GRAP: variants seen among roughly 807,000 people sequenced by gnomAD.
GRAP encodes the protein GRB2-related adapter protein.
GRAP carries 2 observed loss-of-function variants against 9.1 expected under a neutral mutation model. The observed-to-expected ratio is 0.22, with a 90% CI of 0.09 to 0.69. The LOEUF (loss-of-function observed/expected upper bound fraction) is 0.69, where lower values mean the gene tolerates loss of function less well. Ranked by LOEUF, GRAP falls within the 30% of genes least tolerant of loss-of-function variation. The probability of loss-of-function intolerance (pLI) is 0.81; values close to 1 mark genes in which losing one functional copy is unlikely to be tolerated. For missense variants in GRAP, 113 were observed against 179.4 expected (o/e 0.63, Z 2.12); for synonymous variants, 68 against 73.6 (o/e 0.92, Z 0.39).
intron 4 of GRAP, chr17:19,022,415 A>ACCT (rs1221396740): frequency 1.1e-5 from 4 of 370,900 alleles, no homozygotes; most frequent in Non-Finnish European, 1.4e-5. Context: ...GGGTCAGGGG[A>ACCT]CCTGAGTCCT....
Position 19,024,008 on chromosome 17 carries a change from C to A in GRAP, c.468+207G>T, listed in dbSNP as rs539619033. ...TCCTTCTGTCCTTTGCTTTTCTTTC[C>A]CTCTTCTCCTTTCCCACCCTTGCAA... is the stretch of plus-strand genomic sequence containing the variant. On this transcript the variant is annotated intron_variant, in intron 4 of 4. Coordinates refer to ENST00000284154, the MANE Select transcript of GRAP (RefSeq NM_006613.4). The surrounding 1 kb of genome is among the most constrained non-coding windows in gnomAD (Gnocchi z 4.2). 5.9e-5 allele frequency among the ~76,000 whole-genome samples: 9 copies of A among 152,252 alleles called. No individual in the cohort carries two copies. Among genetic ancestry groups the A allele is most frequent in the African/African-American group, 2.2e-4 (9 of 41,544 alleles).
chr17:19,022,024 G>A lies in GRAP; in HGVS notation c.589C>T (p.Arg197Trp), dbSNP rs372985295. 1.8e-5 allele frequency: 28 copies of A among 1,598,280 alleles called. No individual in the cohort carries two copies. The highest frequency in any genetic ancestry group is 4.0e-5 in the African/African-American group (3 of 74,240). Residue 197 changes from arginine to tryptophan, a missense_variant, in exon 5 of 5, where the codon CGG becomes TGG. Around this residue, in one of 2 missense-constraint regions of GRAP, gnomAD observed 113 missense variants for 163.3 expected, o/e 0.69. Transcript: ENST00000284154. Reference protein sequence around the residue: ...VLERPDPHWWRGRSCGRVGFF... With the variant: ...VLERPDPHWWWGRSCGRVGFF... ...CCAACGCGCCCGCAGGACCGGCCCCGCCACCAGTGGGGGTCTGGGCGCTCC... is the reference window on the plus strand; with the variant it reads ...CCAACGCGCCCGCAGGACCGGCCCCACCACCAGTGGGGGTCTGGGCGCTCC...
Position 19,021,769 on chromosome 17 carries a change from G to T in GRAP, c.*190C>A. ...GGAAGCCCCGGAGCTACCCTTGCTG[G>T]GTACCCTTGCTGGGGGACCTGGGCC... is the stretch of plus-strand genomic sequence containing the variant. On this transcript the variant is annotated 3_prime_UTR_variant, in exon 5 of 5. Coordinates refer to ENST00000284154, the MANE Select transcript of GRAP (RefSeq NM_006613.4). The surrounding 1 kb of genome is among the most constrained non-coding windows in gnomAD (Gnocchi z 4.1). 2.1e-6 allele frequency: 1 copy of T among 468,050 alleles called. No individual in the cohort carries two copies. 29.0% of individuals were successfully genotyped at this position (468,050 alleles called of 1,614,324 possible). A position where few individuals can be genotyped will look rare whatever the true frequency, so the allele number is the denominator to read the frequency against.
rs879545958 is a variant in GRAP, at chr17:19,021,761, C to A, written c.*198G>T. 4.5e-6 allele frequency: 2 copies of A among 449,016 alleles called. No individual in the cohort carries two copies. Among genetic ancestry groups the A allele is most frequent in the African/African-American group, 4.0e-5 (2 of 49,398 alleles). The allele number at this position is 449,016 out of a possible 1,614,324, so 27.8% of individuals were successfully genotyped here. On this transcript the variant is annotated 3_prime_UTR_variant, in exon 5 of 5. Coordinates refer to ENST00000284154, the MANE Select transcript of GRAP (RefSeq NM_006613.4). The surrounding 1 kb of genome is among the most constrained non-coding windows in gnomAD (Gnocchi z 4.1). ...ACCAGCCAGGAAGCCCCGGAGCTAC[C>A]CTTGCTGGGTACCCTTGCTGGGGGA...
In GRAP at chr17:19,022,071, C is replaced by T. The variant is rs745455096; in HGVS notation, c.542G>A (p.Arg181His). ...AQDPSQLSFR[R>H]GDIIEVLERP... is the part of the protein sequence containing the mutation. The stretch of plus-strand genomic sequence containing the variant: ...CTCCAGGACCTCAATGATGTCGCCA[C>T]GGCGGAAGCTGAGCTGCGAGGGGTC... The change falls in exon 5 of 5, where the codon CGT becomes CAT. Residue 181 changes from arginine to histidine, a missense_variant. By Grantham distance (29) the Arg-to-His change is conservative (BLOSUM62 0). This residue lies in a region of GRAP where 113 missense variants were observed against 163.3 expected (regional missense o/e 0.69). Coordinates refer to ENST00000284154, the MANE Select transcript of GRAP (RefSeq NM_006613.4). 6 of 1,592,284 alleles carry T rather than the reference C, an allele frequency of 3.8e-6. No individual in the cohort carries two copies. Among genetic ancestry groups the T allele is most frequent in the Non-Finnish European group, 5.1e-6 (6 of 1,170,280 alleles).
chr17:19,021,612 C>T lies in GRAP; in HGVS notation c.*347G>A, dbSNP rs993486015. ...GCCAGGGTTCCTTAGGTTGAGCCTC[C>T]AGTGGGTGAAACCTGGGAGTCCTCA... On this transcript the variant is annotated 3_prime_UTR_variant, in exon 5 of 5. Transcript: ENST00000284154. The surrounding 1 kb of genome is among the most constrained non-coding windows in gnomAD (Gnocchi z 4.1). 2.6e-6 allele frequency: 1 copy of T among 390,644 alleles called. No homozygotes were observed. Among genetic ancestry groups the T allele is most frequent in the African/African-American group, 2.1e-5 (1 of 48,512 alleles). The allele number at this position is 390,644 out of a possible 1,614,324, so 24.2% of individuals were successfully genotyped here.
rs1157535157 is a variant in GRAP, at chr17:19,027,524, A to ACACC, written c.300-3142_300-3141insGGTG. Among the ~76,000 whole-genome samples the ACACC allele has an allele frequency of 7.1e-4, 99 of 139,006 alleles. 1 individual carries two copies. The highest frequency in any genetic ancestry group is 1.6e-3 in the East Asian group (7 of 4,512). 91.2% of individuals were successfully genotyped at this position (139,006 alleles called of 152,430 possible). A position where few individuals can be genotyped will look rare whatever the true frequency, so the allele number is the denominator to read the frequency against. ...CACACACACACACACACACACACAC[A>ACACC]CCCCTACCTCTCCTGGGTTGTAAAT... is the stretch of plus-strand genomic sequence containing the variant. On this transcript the variant is annotated intron_variant, in intron 3 of 4. Coordinates refer to ENST00000284154, the MANE Select transcript of GRAP (RefSeq NM_006613.4).
rs928382002 is a variant in GRAP at position 19,024,206 on chromosome 17, C to T, written c.468+9G>A. 1.1e-5 allele frequency: 18 copies of T among 1,573,498 alleles called. No individual in the cohort carries two copies. Among genetic ancestry groups the T allele is most frequent in the South Asian group, 5.8e-5 (5 of 85,818 alleles). ...AGGCTCCCACAGGCCAGCCCCCACC[C>T]GCCCCTACCTTGAGCAAGGGCTCCT... On this transcript the variant is annotated intron_variant, in intron 4 of 4. Transcript: ENST00000284154. The surrounding 1 kb of genome is among the most constrained non-coding windows in gnomAD (Gnocchi z 4.2).
intron 3 of GRAP, among the ~76,000 whole-genome samples, chr17:19,025,558 C>A (rs1280180497): frequency 1.4e-5 from 2 of 139,104 alleles, no homozygotes; most frequent in East Asian, 4.4e-4. Flanking sequence ...CGCCAAATCG[C>A]CCCAAGTACC....
At chr17:19,030,475 G>A (rs1371553298) in intron 3 of GRAP, 2 of 116,258 alleles carry the variant, frequency 1.7e-5, no homozygotes, top group South Asian at 5.2e-5. Context: ...CAACCTGTTC[G>A]GCAGCAGACA....
chr17:19,021,896 A>G lies in GRAP; in HGVS notation c.*63T>C, dbSNP rs550499409. ...GACTCTGACAGAGCTGGGGGTGTCC[A>G]TGTCCTCTCTGGACCTCAGTTCCTG... On this transcript the variant is annotated 3_prime_UTR_variant, in exon 5 of 5. Coordinates refer to ENST00000284154, the MANE Select transcript of GRAP (RefSeq NM_006613.4). The surrounding 1 kb of genome is among the most constrained non-coding windows in gnomAD (Gnocchi z 4.1). 7.7e-6 allele frequency: 11 copies of G among 1,421,990 alleles called. No homozygotes were observed. The East Asian group carries it at 1.6e-4, about 21-fold the overall frequency. 88.1% of individuals were successfully genotyped at this position (1,421,990 alleles called of 1,614,324 possible).
chr17:19,027,484 G>GCGCACACACACA (rs1555583245), intron 3 of GRAP, among the ~76,000 whole-genome samples: 68 of 121,202 alleles, frequency 5.6e-4, no homozygotes, highest in African/African-American at 1.8e-3. Flanking sequence ...GCGCGCGCGC[G>GCGCACACACACA]CACACACACA....
At chr17:19,023,645 A>AC (rs2044290523) in intron 4 of GRAP, among the ~76,000 whole-genome samples, 1 of 18,458 alleles carries the variant, frequency 5.4e-5, no homozygotes, top group Non-Finnish European at 1.1e-4. Context: ...CCCACCCCCC[A>AC]CCCCCCACCC....
chr17:19,031,481 C>T (rs2044336730), intron 3 of GRAP: 1 of 133,390 alleles, frequency 7.5e-6, no homozygotes, highest in East Asian at 2.2e-4. Context: ...GCTGCCTCTT[C>T]TCTAAGAGTG....
Position 19,021,945 on chromosome 17 carries a change from G to T in GRAP, c.*14C>A. ...TGTAAAAAGGCCCGTTGGCCAGATCGGCCGCCGGGCTGCTCACAGGTGCAC... is the reference window on the plus strand; with the variant it reads ...TGTAAAAAGGCCCGTTGGCCAGATCTGCCGCCGGGCTGCTCACAGGTGCAC... On this transcript the variant is annotated 3_prime_UTR_variant, in exon 5 of 5. Coordinates refer to ENST00000284154, the MANE Select transcript of GRAP (RefSeq NM_006613.4). This position sits in a 1 kb window ranked among gnomAD's most constrained non-coding sequence, Gnocchi z 4.1. The T allele has an allele frequency of 6.7e-7, 1 of 1,497,582 alleles. No individual in the cohort carries two copies. 92.8% of individuals were successfully genotyped at this position (1,497,582 alleles called of 1,614,324 possible). A position where few individuals can be genotyped will look rare whatever the true frequency, so the allele number is the denominator to read the frequency against.
intron 3 of GRAP, among the ~76,000 whole-genome samples, chr17:19,025,614 CTTTTT>C (rs71155384): frequency 8.6e-6 from 1 of 116,168 alleles, no homozygotes. Flanking sequence ...TTTTTCTTTT[CTTTTT>C]TTTTTTTTTT....
intron 4 of GRAP, among the ~76,000 whole-genome samples, chr17:19,023,375 C>A (rs2044288203): frequency 6.6e-6 from 1 of 152,140 alleles, no homozygotes; most frequent in Non-Finnish European, 1.5e-5. Flanking sequence ...CAGCGGTTAT[C>A]AGCCTCTCCC....
Position 19,024,478 on chromosome 17 carries a change from T to C in GRAP, c.300-95A>G. The C allele has an allele frequency of 6.7e-7, 1 of 1,496,834 alleles. No homozygotes were observed. The highest frequency in any genetic ancestry group is 8.9e-7 in the Non-Finnish European group (1 of 1,120,462). The allele number at this position is 1,496,834 out of a possible 1,614,324, so 92.7% of individuals were successfully genotyped here. On this transcript the variant is annotated intron_variant, in intron 3 of 4. Transcript: ENST00000284154. This position sits in a 1 kb window ranked among gnomAD's most constrained non-coding sequence, Gnocchi z 4.2. Reference sequence around the variant, plus strand: ...GTCTCACTACCACCTGGAACCAGCCTGTCTCACGGTGGGACCTGGAGTCAG... The same window carrying C: ...GTCTCACTACCACCTGGAACCAGCCCGTCTCACGGTGGGACCTGGAGTCAG...
intron 3 of GRAP, chr17:19,030,268 A>G (rs2044330764): frequency 2.4e-6 from 1 of 424,868 alleles, no homozygotes; most frequent in East Asian, 8.1e-5. Context: ...GCAGCAGCAA[A>G]GGTAACAGTG....
Sources: gnomAD v4.1 joint callset for allele counts (sites outside exome capture counted in the v4.1 genomes callset) on GRCh38, gnomAD v4.1.1 for gene constraint, gnomAD v4.1.1 regional missense constraint, Gnocchi (gnomAD v3.1) non-coding constraint, MANE v1.5 for transcripts, NCBI Gene and HGNC (gene_info 2026-07-23, HGNC 2026-07-21) for gene names.